SPIDR: variants seen among roughly 807,000 people sequenced by gnomAD.
The protein encoded by SPIDR is scaffold protein involved in DNA repair, also known as DNA repair-scaffolding protein.
In SPIDR, 93 loss-of-function variants were observed where a neutral mutation model predicts 104.6. The ratio of observed to expected loss-of-function variants is 0.89; its 90% CI spans 0.75 to 1.06. The LOEUF is 1.06. SPIDR is among the 50% of genes least tolerant of loss of function. SPIDR has a pLI of 0.00. For synonymous variants in SPIDR, 431 were observed against 416.9 expected (o/e 1.03, Z -0.41); for missense variants, 1,154 against 1,111.2 (o/e 1.04, Z -0.55).
chr8:47,701,006 T>C (rs930867188), intron 12 of SPIDR, among the ~76,000 whole-genome samples: 2 of 152,192 alleles, frequency 1.3e-5, no homozygotes, highest in Admixed American at 6.5e-5. Flanking sequence ...CTCTCCCTCC[T>C]GAGCCTTTTC....
At chr8:47,284,392 TTTTG>T (rs782640221) in intron 3 of SPIDR, among the ~76,000 whole-genome samples, 331 of 152,016 alleles carry the variant, frequency 2.2e-3, no homozygotes, top group African/African-American at 3.9e-3. Flanking sequence ...AGCTCCAGGG[TTTTG>T]TTTGTTTGTT....
rs2064146495 is a variant in SPIDR, at chr8:47,615,350, A to AT, written c.1544+16154_1544+16155insT. Among the ~76,000 whole-genome samples the AT allele has an allele frequency of 5.3e-5, 8 of 152,232 alleles. No homozygotes were observed. The South Asian group carries it at 1.0e-3, about 20-fold the overall frequency. On this transcript the variant is annotated intron_variant, in intron 10 of 19. Transcript: ENST00000297423. ...ATTTACTCCTGTGTTTTTGTTCAAG[A>AT]ATGTTACAGTTTTAGCCTGTGTATG...
chr8:47,345,372 A>G (rs1276442816), intron 5 of SPIDR, among the ~76,000 whole-genome samples: 3 of 152,174 alleles, frequency 2.0e-5, no homozygotes, highest in African/African-American at 7.2e-5. Context: ...GTAGCCTTGT[A>G]GTATAGTTTG....
intron 1 of SPIDR, among the ~76,000 whole-genome samples, chr8:47,261,962 G>A (rs1357932507): frequency 1.3e-5 from 2 of 152,210 alleles, no homozygotes; most frequent in South Asian, 4.1e-4. Context: ...TCATTGGAGC[G>A]TTTGACACAT....
intron 6 of SPIDR, among the ~76,000 whole-genome samples, chr8:47,406,539 G>C (rs149194481): frequency 2.8e-4 from 42 of 152,138 alleles, no homozygotes; most frequent in African/African-American, 9.9e-4. Flanking sequence ...CTTTTTTTCT[G>C]TTACATGTAC....
At chr8:47,565,326 CAG>C (rs1564349620) in intron 8 of SPIDR, among the ~76,000 whole-genome samples, 5 of 152,152 alleles carry the variant, frequency 3.3e-5, no homozygotes, top group Admixed American at 3.3e-4. Context: ...ATGCATTGGG[CAG>C]TAAAGAGAAG....
chr8:47,272,030 A>G (rs2154215105), intron 1 of SPIDR, among the ~76,000 whole-genome samples: 1 of 151,876 alleles, frequency 6.6e-6, no homozygotes, highest in Admixed American at 6.6e-5. Context: ...GCTGTAGTGC[A>G]ATGGCACGAT....
intron 10 of SPIDR, among the ~76,000 whole-genome samples, chr8:47,650,129 A>C (rs2071350448): frequency 6.6e-6 from 1 of 152,200 alleles, no homozygotes. Flanking sequence ...TACAGAATTA[A>C]AGGGCACCCA....
At chr8:47,469,484 G>A (rs782464533) in intron 8 of SPIDR, among the ~76,000 whole-genome samples, 7 of 151,966 alleles carry the variant, frequency 4.6e-5, no homozygotes, top group Admixed American at 1.3e-4. Flanking sequence ...GCCCATCAAC[G>A]GTAGACTGAA....
At chr8:47,356,999 A>G (rs1168182512) in intron 5 of SPIDR, among the ~76,000 whole-genome samples, 8 of 152,188 alleles carry the variant, frequency 5.3e-5, no homozygotes, top group African/African-American at 9.6e-5. Flanking sequence ...TAAATTAAAA[A>G]GTTGCCTAGC....
chr8:47,391,766 G>A (rs2060602796), intron 5 of SPIDR, among the ~76,000 whole-genome samples: 2 of 152,040 alleles, frequency 1.3e-5, no homozygotes, highest in African/African-American at 4.8e-5. Context: ...GGAGGCCAAG[G>A]CGGGCGGATC....
intron 6 of SPIDR, among the ~76,000 whole-genome samples, chr8:47,403,133 G>C (rs1286068813): frequency 6.6e-6 from 1 of 152,092 alleles, no homozygotes; most frequent in East Asian, 1.9e-4. Flanking sequence ...TGCAGAAAAG[G>C]CCTTTGACAA....
At chr8:47,318,739 G>T (rs1261047904) in intron 5 of SPIDR, among the ~76,000 whole-genome samples, 1 of 144,302 alleles carries the variant, frequency 6.9e-6, no homozygotes, top group South Asian at 2.2e-4. Context: ...GACTAACAGC[G>T]GATCTCTCGG....
At chr8:47,311,184 TGATTA>T (rs2044083572) in intron 5 of SPIDR, among the ~76,000 whole-genome samples, 1 of 152,112 alleles carries the variant, frequency 6.6e-6, no homozygotes, top group African/African-American at 2.4e-5. Context: ...AAATGAAAAC[TGATTA>T]GAGATTACAG....
At chr8:47,390,937 G>A (rs1053580416) in intron 5 of SPIDR, among the ~76,000 whole-genome samples, 11 of 152,152 alleles carry the variant, frequency 7.2e-5, no homozygotes, top group African/African-American at 2.2e-4. Context: ...TGAACCTGCA[G>A]TTGCCTTTGA....
chr8:47,398,794 C>G (rs1554660314), intron 6 of SPIDR, among the ~76,000 whole-genome samples: 1 of 152,058 alleles, frequency 6.6e-6, no homozygotes, highest in East Asian at 1.9e-4. Context: ...AGGCCTGAGT[C>G]CTGGGTGCTC....
At chr8:47,418,930 G>C (rs2064889637) in intron 7 of SPIDR, among the ~76,000 whole-genome samples, 1 of 152,126 alleles carries the variant, frequency 6.6e-6, no homozygotes, top group Non-Finnish European at 1.5e-5. Flanking sequence ...TTATTGATTT[G>C]CATATGTTGA....
chr8:47,338,880 G>C (rs782665884), intron 5 of SPIDR, among the ~76,000 whole-genome samples: 1 of 152,112 alleles, frequency 6.6e-6, no homozygotes, highest in Non-Finnish European at 1.5e-5. Flanking sequence ...GTTGTGGGGG[G>C]GTCAGCCTTG....
At chr8:47,360,807 C>T (rs1427509580) in intron 5 of SPIDR, 2 of 984,492 alleles carry the variant, frequency 2.0e-6, no homozygotes, top group African/African-American at 3.5e-5. Flanking sequence ...TACTGGTCAC[C>T]AGTTTGTGTC....
Sources: gnomAD v4.1 joint callset for allele counts (sites outside exome capture counted in the v4.1 genomes callset) on GRCh38, gnomAD v4.1.1 for gene constraint, MANE v1.5 for transcripts, NCBI Gene and HGNC (gene_info 2026-07-23, HGNC 2026-07-21) for gene names.